The following FRMPD4 variants were observed in gnomAD, a reference collection of about 807,000 sequenced individuals.
FRMPD4 encodes FERM and PDZ domain-containing protein 4.
FRMPD4 carries 22 observed loss-of-function variants against 94.1 expected under a neutral mutation model. That is an observed-to-expected ratio of 0.23 (90% CI 0.17 to 0.33). The LOEUF is 0.33. FRMPD4 is among the 10% of genes least tolerant of loss of function. The pLI is 1.00. For missense variants in FRMPD4, 1,111 were observed against 1,339.9 expected, an observed-to-expected ratio of 0.83 and a Z score of 2.67; for synonymous variants, 631 against 548.6, an observed-to-expected ratio of 1.15 and a Z score of -2.10.
At chrX:12,277,516 G>T in intron 1 of FRMPD4, among the ~76,000 whole-genome samples, 1 of 112,101 alleles carries the variant, frequency 8.9e-6, no homozygotes, top group African/African-American at 3.2e-5. Flanking sequence ...AACAAGGTTT[G>T]TTTGTACAGA....
At chrX:12,696,586 CAAAAAA>C (rs57877846) in intron 9 of FRMPD4, among the ~76,000 whole-genome samples, 3 of 30,063 alleles carry the variant, frequency 1.0e-4, no homozygotes, top group African/African-American at 3.2e-4. Flanking sequence ...AAAAATGAAG[CAAAAAA>C]AAAAAAAAAA....
intron 3 of FRMPD4, among the ~76,000 whole-genome samples, chrX:12,067,925 C>A (rs747326799): frequency 2.0e-4 from 22 of 111,373 alleles, no homozygotes; most frequent in African/African-American, 6.5e-4. Flanking sequence ...CCTCATATGC[C>A]AAAGGGAATC....
At chrX:12,331,240 T>A (rs2055368138) in intron 1 of FRMPD4, among the ~76,000 whole-genome samples, 1 of 107,492 alleles carries the variant, frequency 9.3e-6, no homozygotes, top group Non-Finnish European at 1.9e-5. Flanking sequence ...TTTTTTTTTT[T>A]AACATGGAAG....
intron 2 of FRMPD4, among the ~76,000 whole-genome samples, chrX:12,508,572 G>A (rs947529273): frequency 1.8e-5 from 2 of 112,250 alleles, no homozygotes; most frequent in Non-Finnish European, 3.8e-5. Flanking sequence ...ATGGGTGGAT[G>A]AATGGATGGA....
At chrX:12,204,847 C>T (rs2056672918) in intron 1 of FRMPD4, among the ~76,000 whole-genome samples, 1 of 111,305 alleles carries the variant, frequency 9.0e-6, no homozygotes, top group African/African-American at 3.3e-5. Flanking sequence ...GATCCCTCCC[C>T]TGATCATTTA....
chrX:12,078,572 G>T (rs968073441), intron 3 of FRMPD4, among the ~76,000 whole-genome samples: 2 of 111,958 alleles, frequency 1.8e-5, no homozygotes, highest in Admixed American at 9.4e-5. Flanking sequence ...AATTGTAAAG[G>T]TATCTGATTT....
intron 1 of FRMPD4, among the ~76,000 whole-genome samples, chrX:12,164,062 A>G (rs1250153309): frequency 9.2e-6 from 1 of 108,357 alleles, no homozygotes; most frequent in South Asian, 4.0e-4. Context: ...TATTATTATT[A>G]TACTTTTAAG....
At chrX:11,846,307 G>T (rs2053576507) in intron 1 of FRMPD4, among the ~76,000 whole-genome samples, 1 of 106,789 alleles carries the variant, frequency 9.4e-6, no homozygotes, top group Non-Finnish European at 1.9e-5. Flanking sequence ...AAAATACCTA[G>T]GAATCCAACT....
Position 11,872,405 on chromosome X carries a change from ATTTCCT to A in FRMPD4, c.-29-5485_-29-5480del, listed in dbSNP as rs1569115551. ...CTAATCAATTTACATTTTTAATGAC[ATTTCCT>A]TTTCTTTCTTCAGGAAGGCTGAAAG... On this transcript the variant is annotated intron_variant, in intron 2 of 18. Coordinates refer to the FRMPD4 transcript ENST00000640291. 2.7e-5 allele frequency among the ~76,000 whole-genome samples: 3 copies of A among 112,524 alleles called. No homozygotes were observed. In the East Asian group the frequency reaches 8.3e-4, roughly 31 times the overall value.
intron 1 of FRMPD4, among the ~76,000 whole-genome samples, chrX:12,178,718 A>G (rs937187277): frequency 5.4e-5 from 6 of 111,885 alleles, no homozygotes; most frequent in Non-Finnish European, 9.4e-5. Flanking sequence ...AAGGCATAAG[A>G]GTTCGTAATA....
At chrX:11,969,041 T>G (rs907245282) in intron 3 of FRMPD4, among the ~76,000 whole-genome samples, 2 of 112,496 alleles carry the variant, frequency 1.8e-5, no homozygotes, top group African/African-American at 6.5e-5. Context: ...TCCAGATGAT[T>G]ACTGAAAACA....
intron 3 of FRMPD4, among the ~76,000 whole-genome samples, chrX:12,031,489 GT>G (rs994990540): frequency 1.8e-5 from 2 of 111,575 alleles, no homozygotes; most frequent in Admixed American, 9.5e-5. Context: ...AGGAGTCAAG[GT>G]TTTTTTCTAT....
At chrX:12,557,741 G>T (rs532472408) in intron 2 of FRMPD4, among the ~76,000 whole-genome samples, 32 of 111,518 alleles carry the variant, frequency 2.9e-4, no homozygotes, top group Middle Eastern at 9.1e-3. Flanking sequence ...AGTGTTACAT[G>T]AATGCTGGAC....
intron 1 of FRMPD4, among the ~76,000 whole-genome samples, chrX:12,265,622 CTT>C (rs1330644252): frequency 1.9e-5 from 2 of 107,265 alleles, no homozygotes; most frequent in Non-Finnish European, 3.9e-5. Context: ...CATTATTTTT[CTT>C]TTTTTTTTCT....
intron 3 of FRMPD4, among the ~76,000 whole-genome samples, chrX:11,968,373 C>T (rs1045724597): frequency 5.4e-5 from 6 of 111,575 alleles, no homozygotes; most frequent in Non-Finnish European, 1.1e-4. Context: ...GGGATGGTAC[C>T]ATGTTTGAAA....
chrX:11,859,525 G>A (rs1287599031), intron 1 of FRMPD4, among the ~76,000 whole-genome samples: 1 of 111,960 alleles, frequency 8.9e-6, no homozygotes, highest in Admixed American at 9.5e-5. Flanking sequence ...AAGTAAGGAA[G>A]GCCATTTTCC....
At chrX:12,157,298 T>A (rs2055950442) in intron 1 of FRMPD4, among the ~76,000 whole-genome samples, 1 of 112,169 alleles carries the variant, frequency 8.9e-6, no homozygotes, top group Admixed American at 9.4e-5. Flanking sequence ...GTTGTGGATG[T>A]GTGATTTGTT....
intron 1 of FRMPD4, among the ~76,000 whole-genome samples, chrX:12,461,625 G>A (rs1238470760): frequency 8.9e-6 from 1 of 111,865 alleles, no homozygotes; most frequent in Admixed American, 9.5e-5. Context: ...TATTATCTCA[G>A]CTATTCCACC....
intron 1 of FRMPD4, among the ~76,000 whole-genome samples, chrX:12,165,807 A>T (rs2147631587): frequency 9.0e-6 from 1 of 110,865 alleles, no homozygotes; most frequent in South Asian, 3.9e-4. Flanking sequence ...ATTCTCTTTG[A>T]AGCATTTGTG....
Sources: allele counts gnomAD v4.1 joint callset (sites outside exome capture counted in the v4.1 genomes callset), GRCh38; gene constraint gnomAD v4.1.1; transcripts MANE v1.5; gene names NCBI Gene and HGNC (gene_info 2026-07-23, HGNC 2026-07-21).